ATP11B: variants seen among roughly 807,000 people sequenced by gnomAD.
The protein encoded by ATP11B is ATPase phospholipid transporting 11B (putative), also known as phospholipid-transporting ATPase IF.
In ATP11B, 81 loss-of-function variants were observed where a neutral mutation model predicts 157.8. The observed-to-expected ratio is 0.51, with a 90% CI of 0.43 to 0.62. The LOEUF (loss-of-function observed/expected upper bound fraction) is 0.62. Ranked by LOEUF, ATP11B falls within the 20% of genes least tolerant of loss-of-function variation. ATP11B has a pLI of 0.00. For synonymous variants in ATP11B, 451 were observed against 469.4 expected, an observed-to-expected ratio of 0.96 and a Z score of 0.51; for missense variants, 1,165 against 1,402.2, an observed-to-expected ratio of 0.83 and a Z score of 2.70.
At position 182,885,931 on chromosome 3, in the gene ATP11B, C is replaced by A; in HGVS notation, c.2656-20C>A. 6.9e-7 allele frequency: 1 copy of A among 1,452,766 alleles called. No homozygotes were observed. The highest frequency in any genetic ancestry group is 9.2e-7 in the Non-Finnish European group (1 of 1,090,910). 90.0% of individuals were successfully genotyped at this position (1,452,766 alleles called of 1,614,324 possible). A position where few individuals can be genotyped will look rare whatever the true frequency, so the allele number is the denominator to read the frequency against. On this transcript the variant is annotated intron_variant, in intron 22 of 29. Transcript: ENST00000323116. The stretch of plus-strand genomic sequence containing the variant: ...AAACCTAAATATTTTAATTATTTTC[C>A]ATTTAATCTTGTTTTTCAGAATGTG...
chr3:182,814,152 G>T (rs1018993239), intron 1 of ATP11B, among the ~76,000 whole-genome samples: 1 of 151,956 alleles, frequency 6.6e-6, no homozygotes, highest in South Asian at 2.1e-4. Flanking sequence ...CAACCTCTGC[G>T]TCCCAGGTTT....
At chr3:182,907,626 T>C (rs536222940) in intron 28 of ATP11B, among the ~76,000 whole-genome samples, 1 of 152,316 alleles carries the variant, frequency 6.6e-6, no homozygotes, top group Admixed American at 6.5e-5. Flanking sequence ...GAAAGATGTT[T>C]AGGCTTTTTT....
intron 1 of ATP11B, among the ~76,000 whole-genome samples, chr3:182,799,132 T>C (rs911393721): frequency 6.6e-6 from 1 of 152,256 alleles, no homozygotes; most frequent in East Asian, 1.9e-4. Context: ...TCTAAGAGAC[T>C]AGAAGCTGCC....
intron 2 of ATP11B, among the ~76,000 whole-genome samples, chr3:182,824,075 T>A (rs1263060863): frequency 1.3e-5 from 2 of 152,198 alleles, no homozygotes; most frequent in African/African-American, 4.8e-5. Context: ...TTTCATATAA[T>A]ACAACACAAG....
intron 18 of ATP11B, 105 bp downstream of exon 18, chr3:182,872,642 AT>A: frequency 9.8e-7 from 1 of 1,019,728 alleles, no homozygotes; most frequent in South Asian, 2.0e-5. Flanking sequence ...ATCCCATGAT[AT>A]ATTTAAGATC....
At chr3:182,893,452 A>G (rs1346344128) in intron 25 of ATP11B, among the ~76,000 whole-genome samples, 3 of 152,058 alleles carry the variant, frequency 2.0e-5, no homozygotes, top group Non-Finnish European at 4.4e-5. Flanking sequence ...TTGGTTTTCT[A>G]TTCCTGAGTT....
chr3:182,793,983 C>T (rs1355983843), intron 1 of ATP11B, among the ~76,000 whole-genome samples, 197 bp downstream of exon 1: 1 of 151,930 alleles, frequency 6.6e-6, no homozygotes, highest in African/African-American at 2.4e-5. Flanking sequence ...CCTCCAAGCC[C>T]GGGCCGCCGA....
Position 182,872,378 on chromosome 3 carries a change from T to C in ATP11B, c.1889T>C (p.Ile630Thr), listed in dbSNP as rs1291585500. ...FALKGLRTLC[I>T]AYRKFTSKEY... Reference sequence around the variant, plus strand: ...TAGAAAGGGCTAAGAACTCTGTGTATAGCATATAGAAAATTTACATCAAAA... The same window carrying C: ...TAGAAAGGGCTAAGAACTCTGTGTACAGCATATAGAAAATTTACATCAAAA... The change falls in exon 18 of 30, where the codon ATA becomes ACA. Residue 630 changes from isoleucine to threonine, a missense_variant. By Grantham distance (89) the Ile-to-Thr change is moderately conservative. This residue lies in a region of ATP11B where 737 missense variants were observed against 930.5 expected (regional missense o/e 0.79). Transcript: ENST00000323116. The C allele has an allele frequency of 6.2e-7, 1 of 1,611,686 alleles. No individual in the cohort carries two copies. The highest frequency in any genetic ancestry group is 8.5e-7 in the Non-Finnish European group (1 of 1,178,736).
At chr3:182,852,511 T>C (rs1222503960) in intron 10 of ATP11B, among the ~76,000 whole-genome samples, 1 of 152,212 alleles carries the variant, frequency 6.6e-6, no homozygotes, top group East Asian at 1.9e-4. Flanking sequence ...AAAACACAGG[T>C]AACTTACCAA....
chr3:182,906,836 C>T (rs1015787573), intron 28 of ATP11B, among the ~76,000 whole-genome samples: 1 of 151,120 alleles, frequency 6.6e-6, no homozygotes, highest in Non-Finnish European at 1.5e-5. Flanking sequence ...CGCCTGTAAT[C>T]CCAGCACTTT....
chr3:182,873,030 C>A (rs182251307), intron 18 of ATP11B, among the ~76,000 whole-genome samples: 9 of 152,316 alleles, frequency 5.9e-5, no homozygotes, highest in African/African-American at 2.2e-4. Flanking sequence ...CCAGTAAGAC[C>A]TTTCCTGACA....
intron 8 of ATP11B, chr3:182,843,566 T>G (rs1262249023): frequency 6.6e-6 from 1 of 152,238 alleles, no homozygotes; most frequent in African/African-American, 2.4e-5. Flanking sequence ...TTCTTGGTTG[T>G]TTCAGATTGT....
intron 1 of ATP11B, among the ~76,000 whole-genome samples, chr3:182,802,289 T>C (rs1021248486): frequency 4.6e-5 from 7 of 152,182 alleles, no homozygotes; most frequent in Admixed American, 3.9e-4. Flanking sequence ...CTTCTGTCCT[T>C]GCAGTCTGTT....
chr3:182,845,553 T>G (rs1719447682), intron 9 of ATP11B, 31 bp downstream of exon 9: 1 of 1,413,488 alleles, frequency 7.1e-7, no homozygotes, highest in East Asian at 2.4e-5. Context: ...TTTAAATTAT[T>G]GATTTGTGTT....
chr3:182,888,914 G>A (rs1369465956), intron 24 of ATP11B, among the ~76,000 whole-genome samples: 1 of 147,728 alleles, frequency 6.8e-6, no homozygotes, highest in Non-Finnish European at 1.5e-5. Flanking sequence ...GTTAGGCTGA[G>A]TGCAGTGGCG....
At chr3:182,837,247 A>C (rs1293150396) in intron 7 of ATP11B, 73 bp downstream of exon 7, 15 of 1,120,432 alleles carry the variant, frequency 1.3e-5, no homozygotes, top group Non-Finnish European at 1.8e-5. Context: ...CCATAAACAT[A>C]AAATGAAATC....
chr3:182,861,065 C>CT (rs35183352), intron 12 of ATP11B, among the ~76,000 whole-genome samples: 75,646 of 137,364 alleles, frequency 0.55, 22,247 homozygotes, highest in Non-Finnish European at 0.66. Context: ...AACAATAATA[C>CT]TTTTTTTTTT....
intron 10 of ATP11B, among the ~76,000 whole-genome samples, chr3:182,850,730 C>T (rs892120957): frequency 2.6e-5 from 4 of 152,096 alleles, no homozygotes; most frequent in Non-Finnish European, 4.4e-5. Flanking sequence ...AATCCCACTA[C>T]TGGGTTTTAT....
chr3:182,900,948 G>A (rs1723915059), intron 28 of ATP11B, among the ~76,000 whole-genome samples: 2 of 151,820 alleles, frequency 1.3e-5, no homozygotes, highest in Admixed American at 6.6e-5. Context: ...TTGGGAGGCC[G>A]AGGCAGGTGG....
Sources: allele counts gnomAD v4.1 joint callset (sites outside exome capture counted in the v4.1 genomes callset), GRCh38; gene constraint gnomAD v4.1.1; regional missense constraint gnomAD v4.1.1; transcripts MANE v1.5; gene names NCBI Gene and HGNC (gene_info 2026-07-23, HGNC 2026-07-21).